The following STK4 variants were observed in gnomAD, a reference collection of about 807,000 sequenced individuals.
The protein encoded by STK4 is serine/threonine-protein kinase 4.
Under a neutral mutation model 64.9 loss-of-function variants are expected in STK4, and 30 were observed. That is an observed-to-expected ratio of 0.46 (90% confidence interval 0.35 to 0.63). The LOEUF (loss-of-function observed/expected upper bound fraction) is 0.63. Among genes scored for constraint, STK4 ranks in the 20% least tolerant of loss-of-function variants. The pLI is 0.01. For missense variants in STK4, 466 were observed against 598.5 expected, an observed-to-expected ratio of 0.78 and a Z score of 2.31; for synonymous variants, 177 against 199.0, an observed-to-expected ratio of 0.89 and a Z score of 0.93.
chr20:45,001,222 G>C lies in STK4; in HGVS notation c.1016G>C (p.Gly339Ala). The C allele has an allele frequency of 6.2e-7, 1 of 1,614,098 alleles. No homozygotes were observed. Among genetic ancestry groups the C allele is most frequent in the Non-Finnish European group, 8.5e-7 (1 of 1,179,990 alleles). The change falls in exon 9 of 11, where the codon GGC becomes GCC. Residue 339 changes from glycine to alanine, a missense_variant. Physicochemically the swap from Gly to Ala is moderately conservative, Grantham distance 60 (BLOSUM62 0). Coordinates refer to ENST00000372806, the MANE Select transcript of STK4 (RefSeq NM_006282.5). ...TMVRAVGDEM[G>A]TVRVASTMTD... ...GTTCGAGCAGTGGGTGATGAGATGG[G>C]CACTGTCCGAGTAGCCAGCACCATG...
intron 9 of STK4, chr20:45,007,930 T>C (rs1042183888): frequency 3.0e-5 from 7 of 231,192 alleles, no homozygotes; most frequent in African/African-American, 1.6e-4. Context: ...GTTATTCTCA[T>C]GTTTATATCC....
In STK4 at chr20:44,975,308, CT is replaced by C. The variant is rs1414398166; in HGVS notation, c.117-3134del. ...ATTGCTGAAATCTTCTAACCACCCC[CT>C]ATCCCTGCCTTCAGATTACTGTAGA... On this transcript the variant is annotated intron_variant, in intron 2 of 10. Transcript: ENST00000372806. 7 of 972,372 alleles carry C rather than the reference CT, an allele frequency of 7.2e-6. No homozygotes were observed. The African/African-American group carries it at 1.1e-4, about 15-fold the overall frequency. 60.2% of individuals were successfully genotyped at this position (972,372 alleles called of 1,614,324 possible).
chr20:45,053,805 A>G (rs1978307821), intron 10 of STK4, among the ~76,000 whole-genome samples: 1 of 152,208 alleles, frequency 6.6e-6, no homozygotes, highest in Admixed American at 6.5e-5. Flanking sequence ...CATTTGCTTG[A>G]CTACCTGCAG....
At chr20:44,987,006 C>A in intron 4 of STK4, 126 bp from the exon 5 acceptor site, 1 of 730,428 alleles carries the variant, frequency 1.4e-6, no homozygotes, top group Non-Finnish European at 2.2e-6. Context: ...TATAAGCAGT[C>A]AAATGCTGTT....
chr20:45,001,070 A>G (rs1239193208), intron 8 of STK4, 97 bp from the exon 9 acceptor site: 1 of 1,345,040 alleles, frequency 7.4e-7, no homozygotes, highest in Non-Finnish European at 1.0e-6. Context: ...TAAGTGTTAA[A>G]TCTCGAAATA....
At chr20:45,049,859 A>G (rs1437604978) in intron 10 of STK4, among the ~76,000 whole-genome samples, 2 of 152,180 alleles carry the variant, frequency 1.3e-5, no homozygotes, top group African/African-American at 4.8e-5. Context: ...AGCCAAGTGT[A>G]GTCCTCATTC....
At chr20:45,053,000 T>C in intron 10 of STK4, 1 of 1,040,118 alleles carries the variant, frequency 9.6e-7, no homozygotes, top group Non-Finnish European at 1.4e-6. Context: ...TTCTTATTTT[T>C]CCTGTAAAGC....
chr20:45,067,449 A>G (rs963279988), intron 10 of STK4, among the ~76,000 whole-genome samples: 6 of 152,208 alleles, frequency 3.9e-5, no homozygotes, highest in Non-Finnish European at 7.3e-5. Context: ...TTTAGGGACA[A>G]TAGACTTTTG....
chr20:44,994,826 C>CA (rs2067697317), intron 5 of STK4, among the ~76,000 whole-genome samples: 1 of 151,972 alleles, frequency 6.6e-6, no homozygotes, highest in South Asian at 2.1e-4. Context: ...AATTTTTTGT[C>CA]AGTCATTTTA....
At chr20:45,052,972 C>A (rs1025845120) in intron 10 of STK4, 1 of 740,398 alleles carries the variant, frequency 1.4e-6, no homozygotes, top group South Asian at 1.7e-5. Flanking sequence ...TGACAGGGTA[C>A]ACTATTTTTG....
In STK4 at chr20:45,004,135, G is replaced by A. The variant is rs183675632; in HGVS notation, c.1147+2782G>A. Among the ~76,000 whole-genome samples, 725 of 151,666 alleles carry A rather than the reference G, an allele frequency of 4.8e-3. 20 individuals carry two copies. Among genetic ancestry groups the A allele is most frequent in the Admixed American group, 0.044 (667 of 15,230 alleles). ...TTTTGAGACGGAGTCTTGCTCTTTC[G>A]CCCAGGCTGGAGTGCAGTGGTGTGA... On this transcript the variant is annotated intron_variant, in intron 9 of 10. Coordinates refer to ENST00000372806, the MANE Select transcript of STK4 (RefSeq NM_006282.5).
At chr20:44,988,877 A>C (rs993610891) in intron 5 of STK4, among the ~76,000 whole-genome samples, 1 of 152,224 alleles carries the variant, frequency 6.6e-6, no homozygotes, top group East Asian at 1.9e-4. Flanking sequence ...TATAAATAGA[A>C]TCATACATAA....
chr20:45,069,762 G>C (rs1320209577), intron 10 of STK4, among the ~76,000 whole-genome samples: 1 of 152,046 alleles, frequency 6.6e-6, no homozygotes, highest in Non-Finnish European at 1.5e-5. Flanking sequence ...TAGAAATGAA[G>C]GATAATTTAT....
rs78569545 is a variant in STK4, at chr20:45,034,756, A to G, written c.1305+9626A>G. Among the ~76,000 whole-genome samples, 63 of 152,212 alleles carry G rather than the reference A, an allele frequency of 4.1e-4. 3 individuals carry two copies. In the East Asian group the frequency reaches 0.012, roughly 28 times the overall value. On this transcript the variant is annotated intron_variant, in intron 10 of 10. Coordinates refer to ENST00000372806, the MANE Select transcript of STK4 (RefSeq NM_006282.5). ...GTGAGATCCCCATCTCTACAAAAAA[A>G]AGGAAAAAAAATTAGCTGGGCTTGG...
chr20:45,027,539 T>C (rs1304735154), intron 10 of STK4, among the ~76,000 whole-genome samples: 1 of 152,178 alleles, frequency 6.6e-6, no homozygotes, highest in Non-Finnish European at 1.5e-5. Context: ...ACATGTAATA[T>C]TTTAGTACCT....
At chr20:45,018,725 CTTT>C (rs11481831) in intron 9 of STK4, among the ~76,000 whole-genome samples, 2 of 140,346 alleles carry the variant, frequency 1.4e-5, no homozygotes, top group Admixed American at 7.1e-5. Context: ...TAAAGTTCTA[CTTT>C]TTTTTTTTTT....
chr20:45,071,077 A>C (rs1233071958), intron 10 of STK4, among the ~76,000 whole-genome samples: 1 of 152,176 alleles, frequency 6.6e-6, no homozygotes, highest in African/African-American at 2.4e-5. Context: ...ACCATATCAC[A>C]GATTTTTCAC....
chr20:45,075,056 C>T lies in STK4; in HGVS notation c.1344C>T (p.Leu448=), dbSNP rs142232604. 559 of 1,614,198 alleles carry T rather than the reference C, an allele frequency of 3.5e-4. 1 individual carries two copies. In the African/African-American group the frequency reaches 6.8e-3, roughly 20 times the overall value. ...SWTVEDLQKR[L]LALDPMMEQE... ...CAGTGGAGGACCTTCAGAAGAGGCT[C>T]TTGGCCCTGGACCCCATGATGGAGC... Residue 448 remains leucine (L), a synonymous_variant, in exon 11 of 11, where the codon CTC becomes CTT. Coordinates refer to ENST00000372806, the MANE Select transcript of STK4 (RefSeq NM_006282.5).
intron 9 of STK4, among the ~76,000 whole-genome samples, chr20:45,002,963 T>C (rs895576270): frequency 2.0e-5 from 3 of 151,942 alleles, no homozygotes; most frequent in Non-Finnish European, 4.4e-5. Flanking sequence ...TCAAAGTAAA[T>C]CTGAGTCATC....
Sources: gnomAD v4.1 joint callset for allele counts (sites outside exome capture counted in the v4.1 genomes callset) on GRCh38, gnomAD v4.1.1 for gene constraint, MANE v1.5 for transcripts, NCBI Gene and HGNC (gene_info 2026-07-23, HGNC 2026-07-21) for gene names.